The following ZNF215 variants were observed in gnomAD, a reference collection of about 807,000 sequenced individuals.
ZNF215 encodes zinc finger protein 215.
A neutral mutation model predicts 27.2 loss-of-function variants in ZNF215; 24 were observed. The ratio of observed to expected loss-of-function variants is 0.88; its 90% confidence interval spans 0.64 to 1.24. The LOEUF is 1.24. ZNF215 is among the 50% of genes most tolerant of loss of function. The pLI, the probability that ZNF215 is intolerant of heterozygous loss-of-function variation, is 0.00. For synonymous variants in ZNF215, 210 were observed against 204.0 expected, an observed-to-expected ratio of 1.03 and a Z score of -0.25; for missense variants, 675 against 605.7, an observed-to-expected ratio of 1.11 and a Z score of -1.20.
At chr11:6,967,959 G>T (rs1327717821) in intron 5 of ZNF215, among the ~76,000 whole-genome samples, 1 of 152,138 alleles carries the variant, frequency 6.6e-6, no homozygotes, top group African/African-American at 2.4e-5. Context: ...GTTAATTTTT[G>T]TATAAGGTGT....
intron 5 of ZNF215, among the ~76,000 whole-genome samples, chr11:6,981,562 C>T (rs866741731): frequency 2.0e-5 from 3 of 151,946 alleles, no homozygotes; most frequent in Non-Finnish European, 4.4e-5. Context: ...TGTAGGTTGC[C>T]TGTTCACTCT....
At chr11:6,977,155 C>A (rs978819660) in intron 5 of ZNF215, among the ~76,000 whole-genome samples, 2 of 152,032 alleles carry the variant, frequency 1.3e-5, no homozygotes, top group South Asian at 4.1e-4. Flanking sequence ...GTAGTCCCCC[C>A]TTTTCCATGG....
At chr11:6,951,333 G>A (rs1451506168) in intron 6 of ZNF215, among the ~76,000 whole-genome samples, 2 of 152,020 alleles carry the variant, frequency 1.3e-5, no homozygotes, top group South Asian at 2.1e-4. Context: ...TGTACCTCTG[G>A]TAGAATTCGG....
At chr11:6,981,436 C>T (rs12806053) in intron 5 of ZNF215, among the ~76,000 whole-genome samples, 47,969 of 151,628 alleles carry the variant, frequency 0.32, 7,913 homozygotes, top group African/African-American at 0.38. Context: ...TCATATCCTT[C>T]GCCCACTTTT....
At chr11:6,946,588 C>A (rs1053247791) in intron 6 of ZNF215, among the ~76,000 whole-genome samples, 2 of 152,206 alleles carry the variant, frequency 1.3e-5, no homozygotes, top group African/African-American at 2.4e-5. Flanking sequence ...CTCTTCCCCC[C>A]GTTCTTTACC....
At chr11:6,965,299 A>C (rs1850597326) in intron 5 of ZNF215, among the ~76,000 whole-genome samples, 1 of 152,130 alleles carries the variant, frequency 6.6e-6, no homozygotes, top group Admixed American at 6.6e-5. Context: ...GTGTTATTTC[A>C]GTGACTGGAG....
chr11:6,952,173 A>G (rs771779439), intron 6 of ZNF215, among the ~76,000 whole-genome samples: 2 of 152,132 alleles, frequency 1.3e-5, no homozygotes, highest in Non-Finnish European at 2.9e-5. Flanking sequence ...CAGTTTTGGA[A>G]TAGGTGTGGT....
intron 4 of ZNF215, 146 bp from the exon 5 acceptor site, chr11:6,942,937 C>A: frequency 7.9e-7 from 1 of 1,259,972 alleles, no homozygotes; most frequent in Non-Finnish European, 1.1e-6. Flanking sequence ...ATTTTCATCA[C>A]TTAGAACCTC....
In ZNF215 at chr11:6,956,107, A is replaced by G. The variant is rs748312657; in HGVS notation, c.1130A>G (p.Asn377Ser). The G allele has an allele frequency of 6.2e-6, 10 of 1,613,446 alleles. No homozygotes were observed. Among genetic ancestry groups the G allele is most frequent in the Non-Finnish European group, 6.8e-6 (8 of 1,179,944 alleles). Residue 377 changes from asparagine (N) to serine (S), a missense_variant, in exon 7 of 7, where the codon AAT becomes AGT. By Grantham distance (46) the Asn-to-Ser change is conservative. Transcript: ENST00000278319. ...CACCAAAAAAGTCATACTACAATGA[A>G]TTCCTATGAATGTTATCAATGTGGG... The part of the protein sequence containing the change: ...IRHQKSHTTM[N>S]SYECYQCGKA...
chr11:6,965,823 G>C (rs1850607093), intron 5 of ZNF215, among the ~76,000 whole-genome samples: 1 of 152,040 alleles, frequency 6.6e-6, no homozygotes, highest in Admixed American at 6.6e-5. Context: ...AGTCAATCAT[G>C]TCATCTGTGA....
Position 6,956,395 on chromosome 11 carries a change from G to A in ZNF215, c.1418G>A (p.Arg473Gln), listed in dbSNP as rs200066448. The A allele has an allele frequency of 3.9e-5, 63 of 1,614,082 alleles. No homozygotes were observed. The highest frequency in any genetic ancestry group is 5.3e-5 in the African/African-American group (4 of 75,010). ...GTTAACTGTGGAAAATCCTTCAACCGGAGCTCCTCTCTTATTCGACACCAA... is the reference window on the plus strand; with the variant it reads ...GTTAACTGTGGAAAATCCTTCAACCAGAGCTCCTCTCTTATTCGACACCAA... ...QCVNCGKSFN[R>Q]SSSLIRHQMI... The change falls in exon 7 of 7, where the codon CGG becomes CAG. Residue 473 changes from arginine (R) to glutamine (Q), a missense_variant. Coordinates refer to ENST00000278319, the MANE Select transcript of ZNF215 (RefSeq NM_013250.4).
chr11:6,958,526 A>T (rs1323566322), downstream of ZNF215, among the ~76,000 whole-genome samples: 2 of 151,046 alleles, frequency 1.3e-5, no homozygotes, highest in African/African-American at 2.5e-5. Context: ...GCCAATTAAC[A>T]TCTTCTCGCA....
At chr11:6,927,881 G>A (rs983140692) in intron 2 of ZNF215, 74 bp downstream of exon 2, 4 of 151,964 alleles carry the variant, frequency 2.6e-5, no homozygotes. Flanking sequence ...TTTATTTCCT[G>A]AGTTGGATAT....
intron 6 of ZNF215, among the ~76,000 whole-genome samples, chr11:6,952,784 T>C (rs1427685211): frequency 6.6e-6 from 1 of 152,134 alleles, no homozygotes; most frequent in Non-Finnish European, 1.5e-5. Context: ...ATTATGATGT[T>C]AGCTGGTTAT....
chr11:6,931,062 C>G (rs1232221098), intron 2 of ZNF215, among the ~76,000 whole-genome samples: 1 of 152,210 alleles, frequency 6.6e-6, no homozygotes, highest in Non-Finnish European at 1.5e-5. Flanking sequence ...AAAACTGTTT[C>G]TAAACATTGC....
At chr11:6,966,010 A>G (rs1280822120) in intron 5 of ZNF215, among the ~76,000 whole-genome samples, 1 of 152,150 alleles carries the variant, frequency 6.6e-6, no homozygotes, top group Admixed American at 6.6e-5. Context: ...TAAATATCTG[A>G]TAGAATTATC....
intron 5 of ZNF215, among the ~76,000 whole-genome samples, chr11:6,974,608 A>G (rs1273095965): frequency 1.3e-5 from 2 of 152,018 alleles, no homozygotes; most frequent in East Asian, 3.9e-4. Context: ...GGTCCTTCAC[A>G]TCCCTTGTAA....
downstream of ZNF215, among the ~76,000 whole-genome samples, chr11:6,987,557 AAAAG>A (rs2133363851): frequency 6.6e-6 from 1 of 152,336 alleles, no homozygotes; most frequent in African/African-American, 2.4e-5. Context: ...AAAAGAAAGA[AAAAG>A]AAATCCACAC....
In ZNF215 at chr11:6,983,337, G is replaced by A. The variant is rs571634114; in HGVS notation, c.806-792G>A. The stretch of plus-strand genomic sequence containing the variant: ...TGAATTCTACCAGAGGTACAAGGAG[G>A]AACTGGTACCATTCCTTCTGAAACT... On this transcript the variant is annotated intron_variant, in intron 5 of 5. Transcript: ENST00000529903. Among the ~76,000 whole-genome samples the A allele has an allele frequency of 2.6e-5, 4 of 152,134 alleles. No individual in the cohort carries two copies. In the South Asian group the frequency reaches 6.2e-4, roughly 24 times the overall value.
Sources: gnomAD v4.1 joint callset for allele counts (sites outside exome capture counted in the v4.1 genomes callset) on GRCh38, gnomAD v4.1.1 for gene constraint, MANE v1.5 for transcripts, NCBI Gene and HGNC (gene_info 2026-07-23, HGNC 2026-07-21) for gene names.